Variants in RGS5 observed in about 807,000 individuals in gnomAD.
RGS5 encodes the protein regulator of G protein signaling 5.
RGS5 carries 20 observed loss-of-function variants against 18.9 expected under a neutral mutation model. That is an observed-to-expected ratio of 1.06 (90% CI 0.74 to 1.54). The LOEUF is 1.54. Ranked by LOEUF, RGS5 falls within the 40% of genes most tolerant of loss-of-function variation. The pLI, the probability that RGS5 is intolerant of heterozygous loss-of-function variation, is 0.00. For synonymous variants in RGS5, 57 were observed against 76.2 expected, an observed-to-expected ratio of 0.75 and a Z score of 1.31; for missense variants, 201 against 211.8, an observed-to-expected ratio of 0.95 and a Z score of 0.32.
intron 2 of RGS5, chr1:163,260,268 G>A (rs756064268): frequency 4.6e-5 from 7 of 152,092 alleles, no homozygotes; most frequent in Non-Finnish European, 8.8e-5. Context: ...GAGATCTTTG[G>A]ATGGTTTGCA....
chr1:163,305,442 T>C (rs573754738), intron 2 of RGS5: 1 of 152,520 alleles, frequency 6.6e-6, no homozygotes, highest in Non-Finnish European at 1.5e-5. Flanking sequence ...TATGAGCTGC[T>C]CTAGAGATTC....
At chr1:163,150,940 T>G (rs368554344) in intron 4 of RGS5, among the ~76,000 whole-genome samples, 32 of 152,198 alleles carry the variant, frequency 2.1e-4, no homozygotes, top group Middle Eastern at 3.2e-3. Flanking sequence ...TAAGTAGATT[T>G]CTGCCTACTC....
chr1:163,181,646 T>C (rs1658850939), intron 1 of RGS5, among the ~76,000 whole-genome samples: 1 of 152,188 alleles, frequency 6.6e-6, no homozygotes. Flanking sequence ...TGTAAATGTA[T>C]ACCTAAGAGT....
At chr1:163,240,694 T>C (rs768905963) in intron 2 of RGS5, among the ~76,000 whole-genome samples, 68 of 151,982 alleles carry the variant, frequency 4.5e-4, no homozygotes, top group Non-Finnish European at 5.3e-4. Context: ...TTTTTAAACG[T>C]TTTGTTGAGA....
upstream of RGS5, chr1:163,203,012 G>C (rs1659841662): frequency 1.7e-6 from 1 of 583,822 alleles, no homozygotes; most frequent in South Asian, 2.2e-5. Flanking sequence ...ACTGCAGGCT[G>C]GAGAGCAGCA....
chr1:163,165,648 G>A (rs1022524588), intron 2 of RGS5, among the ~76,000 whole-genome samples: 1 of 152,190 alleles, frequency 6.6e-6, no homozygotes, highest in Admixed American at 6.5e-5. Flanking sequence ...GCTCACGCCT[G>A]TAATCCCAGC....
chr1:163,241,044 T>C (rs990386165), intron 2 of RGS5, among the ~76,000 whole-genome samples: 1 of 152,214 alleles, frequency 6.6e-6, no homozygotes, highest in African/African-American at 2.4e-5. Context: ...CTTGCTTCCT[T>C]TGGGTTTCTG....
At chr1:163,282,506 C>G (rs1001763073) in intron 2 of RGS5, among the ~76,000 whole-genome samples, 2 of 151,866 alleles carry the variant, frequency 1.3e-5, no homozygotes, top group African/African-American at 4.8e-5. Flanking sequence ...GCCAGAAGTT[C>G]AAAACAAGCA....
At chr1:163,215,405 T>C (rs1220475175) in intron 1 of RGS5, among the ~76,000 whole-genome samples, 1 of 152,164 alleles carries the variant, frequency 6.6e-6, no homozygotes, top group Non-Finnish European at 1.5e-5. Context: ...GTAGCTACAT[T>C]TGGGATTAAA....
chr1:163,253,251 T>A (rs1648165191), intron 2 of RGS5, among the ~76,000 whole-genome samples: 1 of 152,190 alleles, frequency 6.6e-6, no homozygotes, highest in African/African-American at 2.4e-5. Flanking sequence ...CATCATTTTC[T>A]TTCTGATCTC....
intron 1 of RGS5, among the ~76,000 whole-genome samples, chr1:163,216,612 G>T (rs186080594): frequency 6.6e-6 from 1 of 152,124 alleles, no homozygotes; most frequent in Non-Finnish European, 1.5e-5. Flanking sequence ...GAGATTTTTC[G>T]TAGGTCGTCA....
chr1:163,239,376 C>T (rs1234524818), intron 2 of RGS5, among the ~76,000 whole-genome samples: 2 of 151,216 alleles, frequency 1.3e-5, no homozygotes, highest in African/African-American at 4.9e-5. Context: ...GTCCTAGCTG[C>T]TCAGGAGGCT....
At chr1:163,293,421 A>C (rs1286652745) in intron 2 of RGS5, among the ~76,000 whole-genome samples, 1 of 152,170 alleles carries the variant, frequency 6.6e-6, no homozygotes, top group Admixed American at 6.5e-5. Context: ...AAACTATCAG[A>C]TCTTGTGAGA....
chr1:163,286,691 T>C (rs1221588677), intron 2 of RGS5, among the ~76,000 whole-genome samples: 2 of 152,136 alleles, frequency 1.3e-5, no homozygotes, highest in African/African-American at 2.4e-5. Context: ...TTTGGTAATG[T>C]TTTATTTTTA....
chr1:163,174,801 T>G (rs1379315765), intron 1 of RGS5, among the ~76,000 whole-genome samples: 1 of 152,204 alleles, frequency 6.6e-6, no homozygotes, highest in Non-Finnish European at 1.5e-5. Context: ...TTGAAAGGCT[T>G]TCGGCAATCA....
intron 2 of RGS5, among the ~76,000 whole-genome samples, chr1:163,168,041 T>A (rs895423589): frequency 6.6e-6 from 1 of 152,160 alleles, no homozygotes; most frequent in African/African-American, 2.4e-5. Context: ...TTATCTTTTA[T>A]TTTTTATGTA....
At chr1:163,198,062 C>T (rs78861946) in intron 1 of RGS5, among the ~76,000 whole-genome samples, 3,929 of 152,038 alleles carry the variant, frequency 0.026, 77 homozygotes, top group South Asian at 0.055. Flanking sequence ...TTATTAGCTG[C>T]CTTTCTATTC....
chr1:163,259,202 A>C (rs1011822149), intron 2 of RGS5, among the ~76,000 whole-genome samples: 2 of 152,070 alleles, frequency 1.3e-5, no homozygotes, highest in African/African-American at 4.8e-5. Flanking sequence ...GCCAGGCTGA[A>C]GTGCAGTGGC....
chr1:163,181,775 A>G (rs930859956), intron 1 of RGS5, among the ~76,000 whole-genome samples: 2 of 152,286 alleles, frequency 1.3e-5, no homozygotes, highest in South Asian at 2.1e-4. Flanking sequence ...CTTAAAAATA[A>G]CTAAGTACCG....
Sources: allele counts gnomAD v4.1 joint callset (sites outside exome capture counted in the v4.1 genomes callset), GRCh38; gene constraint gnomAD v4.1.1; transcripts MANE v1.5; gene names NCBI Gene and HGNC (gene_info 2026-07-23, HGNC 2026-07-21).